Variants in EDA observed in about 807,000 individuals in gnomAD.
EDA encodes the protein ectodysplasin-A.
Under a neutral mutation model 23.6 loss-of-function variants are expected in EDA, and 2 were observed. That is an observed-to-expected ratio of 0.08 (90% confidence interval 0.03 to 0.27). EDA has a LOEUF of 0.27. Ranked by LOEUF, EDA falls within the 10% of genes least tolerant of loss-of-function variation. The pLI, the probability that EDA is intolerant of heterozygous loss-of-function variation, is 1.00. For synonymous variants in EDA, 131 were observed against 132.0 expected, an observed-to-expected ratio of 0.99 and a Z score of 0.05; for missense variants, 229 against 324.2, an observed-to-expected ratio of 0.71 and a Z score of 2.26.
At chrX:69,938,146 C>G (rs1417052370) in intron 1 of EDA, 1 of 664,891 alleles carries the variant, frequency 1.5e-6, no homozygotes, top group Non-Finnish European at 2.2e-6. Context: ...TCCTCCTCCC[C>G]CTGGCCATAG....
At chrX:69,637,301 G>A (rs766367196) in intron 1 of EDA, among the ~76,000 whole-genome samples, 37 of 111,254 alleles carry the variant, frequency 3.3e-4, no homozygotes, top group South Asian at 1.5e-3. Flanking sequence ...TCATTCCCCA[G>A]AGAACTGAGC....
At chrX:69,793,570 G>GTTTTTTTTTTTTT (rs67241807) in intron 1 of EDA, among the ~76,000 whole-genome samples, 52 of 58,745 alleles carry the variant, frequency 8.9e-4, no homozygotes, top group African/African-American at 1.5e-3. Context: ...GTTTGTTTTT[G>GTTTTTTTTTTTTT]TTTTTTTTTT....
At chrX:69,851,790 C>T (rs184564147) in intron 1 of EDA, among the ~76,000 whole-genome samples, 2 of 111,928 alleles carry the variant, frequency 1.8e-5, no homozygotes, top group East Asian at 5.7e-4. Flanking sequence ...GGTCCAGTGT[C>T]ATCCCTATCA....
intron 1 of EDA, among the ~76,000 whole-genome samples, chrX:69,927,343 G>A: frequency 9.0e-6 from 1 of 111,632 alleles, no homozygotes; most frequent in Non-Finnish European, 1.9e-5. Flanking sequence ...TGCAAGGCAG[G>A]CTGGCAATAA....
chrX:69,738,128 T>G (rs191031741), intron 1 of EDA, among the ~76,000 whole-genome samples: 2 of 111,329 alleles, frequency 1.8e-5, no homozygotes, highest in East Asian at 5.6e-4. Flanking sequence ...GGTAAATTTT[T>G]GGTCATAATT....
intron 1 of EDA, among the ~76,000 whole-genome samples, chrX:69,823,604 G>T (rs1196123677): frequency 1.2e-5 from 1 of 81,175 alleles, no homozygotes; most frequent in African/African-American, 5.2e-5. Flanking sequence ...TTAGCCCTTT[G>T]TCAGATGAGT....
rs1001935961 is a variant in EDA, at chrX:69,709,773, G to A, written c.396+93069G>A. Among the ~76,000 whole-genome samples, 4 of 112,154 alleles carry A rather than the reference G, an allele frequency of 3.6e-5. 1 individual carries two copies. The highest frequency in any genetic ancestry group is 9.4e-5 in the Admixed American group (1 of 10,610). The stretch of plus-strand genomic sequence containing the variant: ...ACCTCCAGAGGAACTGGGACTATAG[G>A]CATGGGCCATCACTCCTGTCTATGT... On this transcript the variant is annotated intron_variant, in intron 1 of 7. Transcript: ENST00000374552.
At chrX:69,893,483 A>G (rs1054048996) in intron 1 of EDA, among the ~76,000 whole-genome samples, 1 of 112,171 alleles carries the variant, frequency 8.9e-6, no homozygotes, top group Non-Finnish European at 1.9e-5. Flanking sequence ...CCAAAATCAT[A>G]CAACTAGTTT....
At chrX:69,776,249 T>G (rs1221272206) in intron 1 of EDA, among the ~76,000 whole-genome samples, 2 of 111,973 alleles carry the variant, frequency 1.8e-5, no homozygotes, top group African/African-American at 6.5e-5. Context: ...AGAATTATAC[T>G]TTTTACAAAT....
chrX:69,700,578 G>A (rs1295829807), intron 1 of EDA, among the ~76,000 whole-genome samples: 8 of 110,920 alleles, frequency 7.2e-5, no homozygotes, highest in Admixed American at 2.9e-4. Context: ...TCTGTTGGGC[G>A]GAGTAGGTGA....
intron 1 of EDA, among the ~76,000 whole-genome samples, chrX:69,644,353 A>G (rs1410609594): frequency 1.8e-5 from 2 of 110,624 alleles, no homozygotes; most frequent in African/African-American, 6.6e-5. Context: ...TAGGTGTCTT[A>G]TTCATTTTGT....
At chrX:69,809,990 G>A (rs1389312876) in intron 1 of EDA, among the ~76,000 whole-genome samples, 5 of 109,793 alleles carry the variant, frequency 4.6e-5, no homozygotes, top group African/African-American at 1.3e-4. Flanking sequence ...GGCCAGGTGC[G>A]GTGGCTCACA....
intron 1 of EDA, among the ~76,000 whole-genome samples, chrX:69,856,468 G>A (rs188796471): frequency 2.0e-3 from 220 of 110,105 alleles, no homozygotes; most frequent in Middle Eastern, 4.6e-3. Flanking sequence ...TATACTAATT[G>A]ACATTCCCAC....
intron 1 of EDA, among the ~76,000 whole-genome samples, chrX:69,869,689 T>A (rs1350424155): frequency 8.9e-6 from 1 of 112,039 alleles, no homozygotes; most frequent in East Asian, 2.8e-4. Flanking sequence ...ACACCATGAT[T>A]AATTAGCCAA....
Position 69,788,402 on chromosome X carries a change from T to C in EDA, c.397-168625T>C, listed in dbSNP as rs750444860. Reference sequence around the variant, plus strand: ...AGAGTTTCCAGTTTTTCTGCTCTGTTTTTTTCCCATCTTTGTGGTTTTATC... The same window carrying C: ...AGAGTTTCCAGTTTTTCTGCTCTGTCTTTTTCCCATCTTTGTGGTTTTATC... On this transcript the variant is annotated intron_variant, in intron 1 of 7. Coordinates refer to ENST00000374552, the MANE Select transcript of EDA (RefSeq NM_001399.5). 1.5e-3 allele frequency among the ~76,000 whole-genome samples: 167 copies of C among 112,140 alleles called. 1 individual carries two copies. Among genetic ancestry groups the C allele is most frequent in the African/African-American group, 5.2e-3 (159 of 30,839 alleles).
intron 1 of EDA, among the ~76,000 whole-genome samples, chrX:69,661,772 A>G (rs1012828195): frequency 1.8e-5 from 2 of 111,657 alleles, no homozygotes; most frequent in Non-Finnish European, 3.8e-5. Flanking sequence ...GTTTGAAGTC[A>G]GGTAGTGTGA....
At chrX:69,868,741 G>T (rs1394704178) in intron 1 of EDA, among the ~76,000 whole-genome samples, 1 of 112,351 alleles carries the variant, frequency 8.9e-6, no homozygotes, top group African/African-American at 3.2e-5. Context: ...CCAGCTGAAG[G>T]CAAATTGCTT....
At chrX:69,726,677 A>G (rs946947835) in intron 1 of EDA, among the ~76,000 whole-genome samples, 1 of 112,459 alleles carries the variant, frequency 8.9e-6, no homozygotes, top group African/African-American at 3.2e-5. Flanking sequence ...TAGAGGCTGG[A>G]AAGTCCAAGA....
At chrX:69,662,470 T>A (rs899095665) in intron 1 of EDA, among the ~76,000 whole-genome samples, 1 of 112,374 alleles carries the variant, frequency 8.9e-6, no homozygotes. Context: ...CTGCCATGAT[T>A]GTGAGGCCTC....
Sources: gnomAD v4.1 joint callset for allele counts (sites outside exome capture counted in the v4.1 genomes callset) on GRCh38, gnomAD v4.1.1 for gene constraint, MANE v1.5 for transcripts, NCBI Gene and HGNC (gene_info 2026-07-23, HGNC 2026-07-21) for gene names.